Variants in TLR6 observed in about 807,000 individuals in gnomAD.
TLR6 encodes the protein toll-like receptor 6.
A neutral mutation model predicts 16.1 loss-of-function variants in TLR6; 9 were observed. The observed-to-expected ratio is 0.56, with a 90% CI of 0.34 to 0.98. The LOEUF is 0.98. Among genes scored for constraint, TLR6 ranks in the 50% least tolerant of loss-of-function variants. The pLI, the probability that TLR6 is intolerant of heterozygous loss-of-function variation, is 0.02. For synonymous variants in TLR6, 340 were observed against 338.6 expected, an observed-to-expected ratio of 1.00 and a Z score of -0.04; for missense variants, 786 against 921.0, an observed-to-expected ratio of 0.85 and a Z score of 1.90.
chr4:38,853,945 G>C (rs571310035), intron 1 of TLR6, among the ~76,000 whole-genome samples: 1 of 152,186 alleles, frequency 6.6e-6, no homozygotes, highest in East Asian at 1.9e-4. Flanking sequence ...TATTTAAAAA[G>C]TACCAAAGTA....
At chr4:38,866,600 C>T in the TLR6 span, among the ~76,000 whole-genome samples, 3 of 151,942 alleles carry the variant, frequency 2.0e-5, no homozygotes, top group African/African-American at 7.3e-5. Context: ...TAATTACAAA[C>T]ATATTGCAAT....
chr4:38,827,579 G>T, exon 2 of TLR6: 1 of 1,614,160 alleles, frequency 6.2e-7, no homozygotes, highest in Non-Finnish European at 8.5e-7. Flanking sequence ...TTCTTCTAAG[G>T]GTATGTTCCT....
At chr4:38,858,851 GAAAGAAA>G (rs1713120232), upstream of TLR6, among the ~76,000 whole-genome samples, 5 of 113,054 alleles carry the variant, frequency 4.4e-5, no homozygotes, top group Non-Finnish European at 9.0e-5. Flanking sequence ...AAGAAAGAAA[GAAAGAAA>G]GAAAGAAAGA....
chr4:38,841,994 A>G (rs562597108), intron 1 of TLR6, among the ~76,000 whole-genome samples: 35 of 152,330 alleles, frequency 2.3e-4, no homozygotes, highest in African/African-American at 8.2e-4. Flanking sequence ...GAATGTTTAA[A>G]AATTTTTTTT....
At chr4:38,831,091 C>T (rs1221963077) in intron 1 of TLR6, among the ~76,000 whole-genome samples, 2 of 150,862 alleles carry the variant, frequency 1.3e-5, no homozygotes, top group Non-Finnish European at 3.0e-5. Flanking sequence ...AACATTGAGA[C>T]TTGCTACAAA....
intron 1 of TLR6, among the ~76,000 whole-genome samples, chr4:38,831,618 A>T (rs1711587720): frequency 6.6e-6 from 1 of 152,264 alleles, no homozygotes; most frequent in Admixed American, 6.5e-5. Flanking sequence ...CATATATGAT[A>T]GGGACTTGTA....
the TLR6 span, among the ~76,000 whole-genome samples, chr4:38,866,792 G>A: frequency 6.6e-6 from 1 of 151,890 alleles, no homozygotes; most frequent in Non-Finnish European, 1.5e-5. Flanking sequence ...GAAAAACTAT[G>A]GTAGGATCCA....
exon 2 of TLR6, chr4:38,827,986 G>T: frequency 6.2e-7 from 1 of 1,614,050 alleles, no homozygotes; most frequent in East Asian, 2.2e-5. Context: ...ATACAGAAAG[G>T]CTGCTAAAGC....
At chr4:38,853,208 C>T (rs1204802318) in intron 1 of TLR6, among the ~76,000 whole-genome samples, 1 of 127,864 alleles carries the variant, frequency 7.8e-6, no homozygotes, top group Non-Finnish European at 1.5e-5. Context: ...GGAAAGGGAA[C>T]ATAACACACT....
chr4:38,829,728 G>A (rs1727739562), intron 1 of TLR6, among the ~76,000 whole-genome samples, 191 bp from the exon 2 acceptor site: 1 of 152,214 alleles, frequency 6.6e-6, no homozygotes, highest in African/African-American at 2.4e-5. Flanking sequence ...TATAGGCCTT[G>A]TTATCAAAGA....
chr4:38,827,301 GA>G lies in TLR6; in HGVS notation c.2172del (p.His725MetfsTer7), dbSNP rs1408558590. 1 of 1,614,098 alleles carries G rather than the reference GA, an allele frequency of 6.2e-7. No individual in the cohort carries two copies. Among genetic ancestry groups the G allele is most frequent in the Non-Finnish European group, 8.5e-7 (1 of 1,179,982 alleles). On this transcript the variant is annotated frameshift_variant, in exon 2 of 2. Coordinates refer to ENST00000436693, the Ensembl canonical transcript of TLR6. LOFTEE classifies it high-confidence loss of function. ...AGGATTAAGTTATTAGATCCTTCAT[GA>G]AAGAGATTGTGATGGGCAAAATAGA...
intron 1 of TLR6, among the ~76,000 whole-genome samples, chr4:38,836,775 C>T (rs939645419): frequency 6.6e-6 from 1 of 151,862 alleles, no homozygotes; most frequent in Admixed American, 6.6e-5. Flanking sequence ...CTTATCTCTA[C>T]TAAAAATACA....
intron 1 of TLR6, among the ~76,000 whole-genome samples, chr4:38,838,315 T>A (rs1320060233): frequency 6.6e-6 from 1 of 152,170 alleles, no homozygotes; most frequent in Non-Finnish European, 1.5e-5. Context: ...TGCAGCACTA[T>A]CCACAATAGC....
At chr4:38,824,439 G>A (rs1312240830) in exon 2 of TLR6, 1 of 152,182 alleles carries the variant, frequency 6.6e-6, no homozygotes, top group Non-Finnish European at 1.5e-5. Context: ...CCTCTGCCGA[G>A]GGGATGTAGG....
intron 1 of TLR6, among the ~76,000 whole-genome samples, chr4:38,849,127 C>T (rs1043457226): frequency 8.5e-5 from 13 of 152,178 alleles, no homozygotes; most frequent in Non-Finnish European, 1.3e-4. Flanking sequence ...CAATATTCAA[C>T]GTTCTTAAAG....
intron 1 of TLR6, among the ~76,000 whole-genome samples, chr4:38,830,719 T>A (rs1190385916): frequency 2.0e-5 from 3 of 151,706 alleles, no homozygotes; most frequent in Non-Finnish European, 2.9e-5. Flanking sequence ...TGTCAAAAAA[T>A]AAATAAATAA....
chr4:38,857,320 A>G (rs568864631), upstream of TLR6, among the ~76,000 whole-genome samples: 1 of 152,342 alleles, frequency 6.6e-6, no homozygotes, highest in South Asian at 2.1e-4. Flanking sequence ...TTATGACTAC[A>G]TATTTAGCCA....
At chr4:38,865,511 T>C in the TLR6 span, among the ~76,000 whole-genome samples, 3 of 152,174 alleles carry the variant, frequency 2.0e-5, no homozygotes, top group Admixed American at 1.3e-4. Flanking sequence ...GATTGGGCTG[T>C]TACGGCACAG....
downstream of TLR6, among the ~76,000 whole-genome samples, chr4:38,823,007 A>G (rs1289305805): frequency 6.6e-6 from 1 of 152,224 alleles, no homozygotes; most frequent in Non-Finnish European, 1.5e-5. Context: ...GTCAGCAGGG[A>G]AGAGAGAGAA....
Sources: gnomAD v4.1 joint callset for allele counts (sites outside exome capture counted in the v4.1 genomes callset) on GRCh38, gnomAD v4.1.1 for gene constraint, MANE v1.5 for transcripts, NCBI Gene and HGNC (gene_info 2026-07-23, HGNC 2026-07-21) for gene names.